Variants in ANO10 observed in about 807,000 individuals in gnomAD.
The protein encoded by ANO10 is anoctamin 10.
Under a neutral mutation model 74.7 loss-of-function variants are expected in ANO10, and 77 were observed. The ratio of observed to expected loss-of-function variants is 1.03; its 90% CI spans 0.86 to 1.25. The LOEUF is 1.25. Among genes scored for constraint, ANO10 ranks in the 50% most tolerant of loss-of-function variants. ANO10 has a pLI of 0.00. For synonymous variants in ANO10, 279 were observed against 284.9 expected (o/e 0.98, Z 0.21); for missense variants, 721 against 778.1 (o/e 0.93, Z 0.87).
chr3:43,653,927 GTTT>G (rs5848668), intron 1 of ANO10, among the ~76,000 whole-genome samples: 12 of 145,160 alleles, frequency 8.3e-5, no homozygotes, highest in African/African-American at 2.3e-4. Context: ...GTTTGCTGGG[GTTT>G]TTTTTTTTTT....
At chr3:43,673,967 C>G (rs1334328257) in intron 1 of ANO10, among the ~76,000 whole-genome samples, 3 of 152,116 alleles carry the variant, frequency 2.0e-5, no homozygotes, top group South Asian at 4.1e-4. Context: ...TCAGAAAAGT[C>G]ACATACGTCC....
rs193228374 is a variant in ANO10, at chr3:43,643,122, C to A, written c.-11-37259G>T. ...TCTCGGCTCACTGCAAGCTCCGCCT[C>A]CCGGGTTCACGCCATTCTCCTAACT... On this transcript the variant is annotated intron_variant, in intron 1 of 3. Coordinates refer to the ANO10 transcript ENST00000413397. 2.3e-3 allele frequency among the ~76,000 whole-genome samples: 342 copies of A among 151,750 alleles called. 1 individual carries two copies. The highest frequency in any genetic ancestry group is 7.7e-3 in the African/African-American group (318 of 41,308).
At chr3:43,619,477 G>A (rs377688153) in intron 1 of ANO10, among the ~76,000 whole-genome samples, 143 of 152,128 alleles carry the variant, frequency 9.4e-4, no homozygotes, top group African/African-American at 3.2e-3. Context: ...CTAGGTGAAG[G>A]GCATAAGGAA....
chr3:43,551,529 A>G (rs1186644971), intron 10 of ANO10: 2 of 457,132 alleles, frequency 4.4e-6, no homozygotes, highest in Non-Finnish European at 8.8e-6. Flanking sequence ...CCCCCAAAAG[A>G]TTCCTCATGA....
intron 11 of ANO10, among the ~76,000 whole-genome samples, chr3:43,462,677 T>C (rs1002630677): frequency 6.6e-6 from 1 of 152,228 alleles, no homozygotes; most frequent in Non-Finnish European, 1.5e-5. Flanking sequence ...AGCTGAATGT[T>C]AATCCCCAAG....
chr3:43,539,527 T>C (rs994079447), intron 11 of ANO10, among the ~76,000 whole-genome samples: 1 of 152,070 alleles, frequency 6.6e-6, no homozygotes, highest in African/African-American at 2.4e-5. Context: ...AGCAGGTCTG[T>C]TGTTGAGAGC....
rs1301510183 is a variant in ANO10, at chr3:43,484,973, TAGA to T, written c.1798-52249_1798-52247del. The T allele has an allele frequency of 5.8e-6, 8 of 1,368,574 alleles. No homozygotes were observed. In the East Asian group the frequency reaches 2.0e-4, roughly 34 times the overall value. The allele number at this position is 1,368,574 out of a possible 1,614,324, so 84.8% of individuals were successfully genotyped here. A position where few individuals can be genotyped will look rare whatever the true frequency, so the allele number is the denominator to read the frequency against. On this transcript the variant is annotated intron_variant, in intron 11 of 12. Coordinates refer to ENST00000292246, the MANE Select transcript of ANO10 (RefSeq NM_018075.5). ...CCCACCCAGGCAAGGGCCCTGCACC[TAGA>T]AGAAGGTGTTGGGCCTCTTGGTGGT...
intron 11 of ANO10, among the ~76,000 whole-genome samples, chr3:43,497,842 T>C (rs111700186): frequency 1.2e-4 from 19 of 152,334 alleles, no homozygotes; most frequent in Admixed American, 1.3e-4. Flanking sequence ...TCAAATACAA[T>C]ATTTTTGATA....
intron 12 of ANO10, among the ~76,000 whole-genome samples, chr3:43,407,631 G>A (rs1028585405): frequency 6.6e-6 from 1 of 152,188 alleles, no homozygotes; most frequent in African/African-American, 2.4e-5. Flanking sequence ...CGGTAACTAA[G>A]AGAACACAGA....
chr3:43,545,389 T>G (rs2079140691), intron 11 of ANO10, among the ~76,000 whole-genome samples: 1 of 152,154 alleles, frequency 6.6e-6, no homozygotes, highest in Non-Finnish European at 1.5e-5. Context: ...TTTGTTTTTT[T>G]TTTAGACAGA....
rs576070897 is a variant in ANO10, at chr3:43,509,431, A to G, written c.1797+40289T>C. ...TGAAGAGGATTCAGCAATGGCAAAT[A>G]AGCACTTGAAAAGTTGTTCAGCATC... On this transcript the variant is annotated intron_variant, in intron 11 of 12. Coordinates refer to ENST00000292246, the MANE Select transcript of ANO10 (RefSeq NM_018075.5). 3.9e-5 allele frequency among the ~76,000 whole-genome samples: 6 copies of G among 152,366 alleles called. No individual in the cohort carries two copies. In the South Asian group the frequency reaches 1.2e-3, roughly 32 times the overall value.
intron 11 of ANO10, among the ~76,000 whole-genome samples, chr3:43,468,539 C>T (rs1298043288): frequency 1.3e-5 from 2 of 152,110 alleles, no homozygotes; most frequent in Non-Finnish European, 2.9e-5. Context: ...CTGGAGCTCA[C>T]ATAAACTTTA....
chr3:43,513,396 G>A (rs1264916614), intron 11 of ANO10, among the ~76,000 whole-genome samples: 3 of 152,252 alleles, frequency 2.0e-5, no homozygotes, highest in Admixed American at 6.5e-5. Flanking sequence ...GTAAAATAAA[G>A]ATGTATACTA....
At chr3:43,626,537 G>A (rs1377039334), upstream of ANO10, among the ~76,000 whole-genome samples, 1 of 151,744 alleles carries the variant, frequency 6.6e-6, no homozygotes, top group Admixed American at 6.6e-5. Context: ...CTGACCTCAA[G>A]TGATCTGCCC....
At position 43,561,316 on chromosome 3, in the gene ANO10, A is replaced by T. The variant is rs749915395; in HGVS notation, c.1380T>A (p.Gly460=). The part of the protein sequence containing the change: ...FLPYWLQRKH[G]VRVKRKVQAL... ...CCTGCACCTTCCTCTTCACCCGCACACCATGCTTCCTTTGGAGCCAATAAG... is the reference window on the plus strand; with the variant it reads ...CCTGCACCTTCCTCTTCACCCGCACTCCATGCTTCCTTTGGAGCCAATAAG... The change falls in exon 9 of 13, where the codon GGT becomes GGA. Residue 460 remains glycine (G), a synonymous_variant. Coordinates refer to ENST00000292246, the MANE Select transcript of ANO10 (RefSeq NM_018075.5). 6.2e-7 allele frequency: 1 copy of T among 1,614,130 alleles called. No homozygotes were observed. Among genetic ancestry groups the T allele is most frequent in the South Asian group, 1.1e-5 (1 of 91,080 alleles).
intron 11 of ANO10, among the ~76,000 whole-genome samples, chr3:43,478,247 T>TC (rs2076148113): frequency 6.6e-6 from 1 of 152,162 alleles, no homozygotes; most frequent in Admixed American, 6.5e-5. Flanking sequence ...CCTTAAAATG[T>TC]CCTTGTCAAA....
chr3:43,554,993 T>C (rs1486652980), intron 10 of ANO10, among the ~76,000 whole-genome samples: 1 of 152,184 alleles, frequency 6.6e-6, no homozygotes, highest in Non-Finnish European at 1.5e-5. Context: ...CTGGCTGAGA[T>C]GAAGTCTTAG....
intron 1 of ANO10, among the ~76,000 whole-genome samples, chr3:43,677,271 A>G (rs2084135361): frequency 6.6e-6 from 1 of 152,174 alleles, no homozygotes; most frequent in South Asian, 2.1e-4. Flanking sequence ...GTTCCCACTC[A>G]TAAGTGGGAG....
intron 5 of ANO10, among the ~76,000 whole-genome samples, chr3:43,579,237 A>C (rs1403019273): frequency 6.6e-6 from 1 of 152,224 alleles, no homozygotes; most frequent in African/African-American, 2.4e-5. Context: ...TCTTATAATT[A>C]TATTCAAAGA....
Sources: gnomAD v4.1 joint callset for allele counts (sites outside exome capture counted in the v4.1 genomes callset) on GRCh38, gnomAD v4.1.1 for gene constraint, MANE v1.5 for transcripts, NCBI Gene and HGNC (gene_info 2026-07-23, HGNC 2026-07-21) for gene names.